FBP2: variants seen among roughly 807,000 people sequenced by gnomAD.
FBP2 encodes the protein fructose-bisphosphatase 2.
FBP2 carries 27 observed loss-of-function variants against 31.6 expected under a neutral mutation model. The ratio of observed to expected loss-of-function variants is 0.85; its 90% CI spans 0.63 to 1.18. The LOEUF (loss-of-function observed/expected upper bound fraction) is 1.18, where lower values mean the gene tolerates loss of function less well. Ranked by LOEUF, FBP2 falls within the 50% of genes most tolerant of loss-of-function variation. The pLI is 0.00. For missense variants in FBP2, 421 were observed against 436.1 expected (o/e 0.97, Z 0.31); for synonymous variants, 168 against 179.8 (o/e 0.93, Z 0.53).
At chr9:94,576,287 A>G (rs571896575) in intron 3 of FBP2, among the ~76,000 whole-genome samples, 1 of 152,240 alleles carries the variant, frequency 6.6e-6, no homozygotes, top group African/African-American at 2.4e-5. Flanking sequence ...TTCCCCCGAA[A>G]TAGTCAAAGT....
chr9:94,573,281 C>T (rs1200615519), intron 3 of FBP2, among the ~76,000 whole-genome samples: 2 of 152,162 alleles, frequency 1.3e-5, no homozygotes, highest in Admixed American at 1.3e-4. Flanking sequence ...TTTTCAGAGA[C>T]AGGGTCTTGC....
At chr9:94,575,537 T>C (rs749571764) in intron 3 of FBP2, among the ~76,000 whole-genome samples, 1 of 152,238 alleles carries the variant, frequency 6.6e-6, no homozygotes, top group Non-Finnish European at 1.5e-5. Flanking sequence ...CATGTTGATA[T>C]GCATTTGGAT....
chr9:94,574,669 T>A (rs1827299633), intron 3 of FBP2, among the ~76,000 whole-genome samples: 1 of 152,180 alleles, frequency 6.6e-6, no homozygotes, highest in Non-Finnish European at 1.5e-5. Context: ...TTTTCTTCTC[T>A]TGTCTTTATG....
intron 4 of FBP2, chr9:94,569,825 A>G (rs1051135936): frequency 6.6e-6 from 1 of 152,228 alleles, no homozygotes; most frequent in African/African-American, 2.4e-5. Context: ...TGACAAAATC[A>G]AATCACCAGC....
rs1827049090 is a variant in FBP2 at position 94,558,885 on chromosome 9, G to A, written c.*53C>T. 1 of 1,523,144 alleles carries A rather than the reference G, an allele frequency of 6.6e-7. No homozygotes were observed. The highest frequency in any genetic ancestry group is 9.1e-7 in the Non-Finnish European group (1 of 1,098,262). The allele number at this position is 1,523,144 out of a possible 1,614,324, so 94.4% of individuals were successfully genotyped here. ...CATCTCTGTTTATCGTTCATTTAGG[G>A]TCCTTAGACAAGGTGCAAGACAAAC... is the stretch of plus-strand genomic sequence containing the variant. On this transcript the variant is annotated 3_prime_UTR_variant, in exon 7 of 7. Coordinates refer to ENST00000375337, the MANE Select transcript of FBP2 (RefSeq NM_003837.4).
At chr9:94,561,270 C>T (rs1827094927) in intron 6 of FBP2, among the ~76,000 whole-genome samples, 1 of 151,384 alleles carries the variant, frequency 6.6e-6, no homozygotes, top group Admixed American at 6.6e-5. Context: ...ACCTCAGATG[C>T]CCCTGTTGTA....
At chr9:94,561,098 C>T (rs987941467) in intron 6 of FBP2, among the ~76,000 whole-genome samples, 2 of 152,110 alleles carry the variant, frequency 1.3e-5, no homozygotes, top group South Asian at 2.1e-4. Flanking sequence ...CAGCTTATAG[C>T]GCTCAGCATT....
intron 5 of FBP2, among the ~76,000 whole-genome samples, chr9:94,565,959 C>T (rs1827183294): frequency 6.6e-6 from 1 of 152,036 alleles, no homozygotes; most frequent in Non-Finnish European, 1.5e-5. Flanking sequence ...CATCCTTGGC[C>T]CACATCTGCT....
Position 94,567,425 on chromosome 9 carries a change from G to T in FBP2, c.568-18C>A. ...CCAAGAGCCTAGCAACATGAAGAGA[G>T]ATGCCAGGAAGAAGAGAGAAGCCAG... On this transcript the variant is annotated intron_variant, in intron 4 of 6. Transcript: ENST00000375337. 1 of 1,610,936 alleles carries T rather than the reference G, an allele frequency of 6.2e-7. No individual in the cohort carries two copies. The highest frequency in any genetic ancestry group is 8.5e-7 in the Non-Finnish European group (1 of 1,179,570).
intron 4 of FBP2, among the ~76,000 whole-genome samples, 199 bp downstream of exon 4, chr9:94,571,263 C>A (rs1488372924): frequency 6.6e-6 from 1 of 152,172 alleles, no homozygotes; most frequent in Non-Finnish European, 1.5e-5. Context: ...GGACACTCCT[C>A]CCCCCGAGTG....
At chr9:94,566,621 T>G (rs1827193495) in intron 5 of FBP2, among the ~76,000 whole-genome samples, 1 of 152,214 alleles carries the variant, frequency 6.6e-6, no homozygotes, top group South Asian at 2.1e-4. Flanking sequence ...TCTATATTTC[T>G]GTGTGTGTGT....
At chr9:94,590,413 A>C (rs931797657) in intron 1 of FBP2, among the ~76,000 whole-genome samples, 2 of 151,314 alleles carry the variant, frequency 1.3e-5, no homozygotes, top group African/African-American at 4.9e-5. Context: ...CCTTGCTAGA[A>C]AGATCTCCCC....
chr9:94,582,596 A>G lies in FBP2; in HGVS notation c.426+1981T>C, dbSNP rs534857176. On this transcript the variant is annotated intron_variant, in intron 3 of 6. Transcript: ENST00000375337. ...GGAGTCTCGCTCTGTCACCCAGGCT[A>G]GAGTGCAGTGGCGCGATCTTGGCTC... Among the ~76,000 whole-genome samples the G allele has an allele frequency of 1.3e-3, 186 of 141,098 alleles. 1 individual carries two copies. Among genetic ancestry groups the G allele is most frequent in the Non-Finnish European group, 1.4e-3 (93 of 66,574 alleles). The allele number at this position is 141,098 out of a possible 152,430, so 92.6% of individuals were successfully genotyped here.
At chr9:94,579,397 CAAAA>C (rs35098649) in intron 3 of FBP2, among the ~76,000 whole-genome samples, 1 of 66,742 alleles carries the variant, frequency 1.5e-5, no homozygotes, top group Non-Finnish European at 2.7e-5. Flanking sequence ...GACTCTGTCT[CAAAA>C]AAAAAAAAAA....
chr9:94,593,567 G>C lies in FBP2; in HGVS notation c.160C>G (p.Leu54Val). The change falls in exon 1 of 7, where the codon CTG (leucine) becomes GTG (valine). Residue 54 changes from leucine to valine, a missense_variant. By Grantham distance (32) the Leu-to-Val change is conservative (BLOSUM62 1). Coordinates refer to ENST00000375337, the MANE Select transcript of FBP2 (RefSeq NM_003837.4). ...CTCCCCAGGACTCACAGGTGGGCCA[G>C]ACCGGCCTTGCGCACAGCCGAGGAG... ...AISSAVRKAG[L>V]AHLYGIAGSV... The C allele has an allele frequency of 6.2e-7, 1 of 1,613,452 alleles. No individual in the cohort carries two copies. Among genetic ancestry groups the C allele is most frequent in the Non-Finnish European group, 8.5e-7 (1 of 1,179,848 alleles).
chr9:94,577,718 A>T (rs1358293962), intron 3 of FBP2: 2 of 152,206 alleles, frequency 1.3e-5, no homozygotes, highest in Non-Finnish European at 2.9e-5. Flanking sequence ...TGGATTACCT[A>T]TCAGGGCAAA....
chr9:94,583,656 G>C (rs1297695655), intron 3 of FBP2, among the ~76,000 whole-genome samples: 1 of 152,210 alleles, frequency 6.6e-6, no homozygotes, highest in East Asian at 1.9e-4. Context: ...CTGGAGTGCA[G>C]TGGCATGATC....
chr9:94,582,480 G>A (rs1166274939), intron 3 of FBP2, among the ~76,000 whole-genome samples: 1 of 151,062 alleles, frequency 6.6e-6, no homozygotes, highest in Non-Finnish European at 1.5e-5. Flanking sequence ...CCACCTCCAG[G>A]TTCAAGCAAT....
chr9:94,572,283 T>G (rs1415610692), intron 3 of FBP2, among the ~76,000 whole-genome samples: 4 of 152,104 alleles, frequency 2.6e-5, no homozygotes, highest in Non-Finnish European at 5.9e-5. Flanking sequence ...ATGGGGACTC[T>G]TAGCTGCTAC....
Sources: allele counts gnomAD v4.1 joint callset (sites outside exome capture counted in the v4.1 genomes callset), GRCh38; gene constraint gnomAD v4.1.1; transcripts MANE v1.5; gene names NCBI Gene and HGNC (gene_info 2026-07-23, HGNC 2026-07-21).